SHOX: variants seen among roughly 807,000 people sequenced by gnomAD.
The protein encoded by SHOX is short stature homeobox protein.
In SHOX, 12 loss-of-function variants were observed where a neutral mutation model predicts 29.6. That is an observed-to-expected ratio of 0.41 (90% CI 0.26 to 0.66). The LOEUF (loss-of-function observed/expected upper bound fraction) is 0.66, where lower values mean the gene tolerates loss of function less well. Ranked by LOEUF, SHOX falls within the 30% of genes least tolerant of loss-of-function variation. The pLI is 0.35. For synonymous variants in SHOX, 214 were observed against 200.6 expected (o/e 1.07, Z -0.57); for missense variants, 499 against 437.7 (o/e 1.14, Z -1.25).
In SHOX at chrX:631,223, C is replaced by A. The variant is rs373508696; in HGVS notation, c.277+49C>A. The A allele has an allele frequency of 1.6e-5, 26 of 1,604,114 alleles. No homozygotes were observed. In the African/African-American group the frequency reaches 3.3e-4, roughly 21 times the overall value. On this transcript the variant is annotated intron_variant, in intron 1 of 4. Transcript: ENST00000686671. Reference sequence around the variant, plus strand: ...CCAGGGGGGCCCTCCTGGGGTTCGGCGCCTCCTCGCCACGGAGTCGGCCCC... The same window carrying A: ...CCAGGGGGGCCCTCCTGGGGTTCGGAGCCTCCTCGCCACGGAGTCGGCCCC...
chrX:653,360 G>C (rs892320522), downstream of SHOX, among the ~76,000 whole-genome samples: 1 of 152,212 alleles, frequency 6.6e-6, no homozygotes, highest in Non-Finnish European at 1.5e-5. Context: ...CTTAGAAATA[G>C]ATGTTTGTTG....
In SHOX at chrX:646,403, C is replaced by T. The variant is rs950264261; in HGVS notation, c.*1767C>T. Reference sequence around the variant, plus strand: ...AGCCTGCCCAGAGAGAAACTATCTTCTCCCAACATTTACTAACATCCACTG... The same window carrying T: ...AGCCTGCCCAGAGAGAAACTATCTTTTCCCAACATTTACTAACATCCACTG... On this transcript the variant is annotated 3_prime_UTR_variant, in exon 5 of 5. Coordinates refer to ENST00000686671, the MANE Select transcript of SHOX (RefSeq NM_000451.4). 8 of 152,074 alleles carry T rather than the reference C, an allele frequency of 5.3e-5. No individual in the cohort carries two copies. The highest frequency in any genetic ancestry group is 1.9e-4 in the African/African-American group (8 of 41,464). 9.4% of individuals were successfully genotyped at this position (152,074 alleles called of 1,614,324 possible). A position where few individuals can be genotyped will look rare whatever the true frequency, so the allele number is the denominator to read the frequency against.
rs1486539818 is a variant in SHOX, at chrX:650,802, A to AC, written c.*6166_*6167insC. On this transcript the variant is annotated 3_prime_UTR_variant, in exon 5 of 5. Transcript: ENST00000686671. ...GGACACGTTTGACATTAAAAAAAAAAAAAAAAAAAAAAAAAAACTGGTGCC... is the reference window on the plus strand; with the variant it reads ...GGACACGTTTGACATTAAAAAAAAAACAAAAAAAAAAAAAAAAACTGGTGCC... 1.7e-4 allele frequency among the ~76,000 whole-genome samples: 24 copies of AC among 140,370 alleles called. No individual in the cohort carries two copies. The highest frequency in any genetic ancestry group is 8.4e-4 in the East Asian group (4 of 4,776). 92.1% of individuals were successfully genotyped at this position (140,370 alleles called of 152,430 possible).
In SHOX at chrX:644,485, C is replaced by T. The variant is rs1376045127; in HGVS notation, c.728C>T (p.Pro243Leu). The T allele has an allele frequency of 4.6e-6, 7 of 1,523,258 alleles. No individual in the cohort carries two copies. The Admixed American group carries it at 1.0e-4, about 22-fold the overall frequency. 94.4% of individuals were successfully genotyped at this position (1,523,258 alleles called of 1,614,324 possible). The change falls in exon 5 of 5, where the codon CCG becomes CTG. Residue 243 changes from proline (P) to leucine (L), a missense_variant. Coordinates refer to ENST00000686671, the MANE Select transcript of SHOX (RefSeq NM_000451.4). ...AAHAPYLMFP[P>L]PPFGLPIASL... Reference sequence around the variant, plus strand: ...CACGCGCCCTACCTGATGTTCCCCCCGCCGCCCTTCGGGCTGCCCATCGCG... The same window carrying T: ...CACGCGCCCTACCTGATGTTCCCCCTGCCGCCCTTCGGGCTGCCCATCGCG...
chrX:628,578 C>T (rs1465361065), upstream of SHOX, among the ~76,000 whole-genome samples: 9 of 48,248 alleles, frequency 1.9e-4, no homozygotes, highest in Non-Finnish European at 2.9e-4. Context: ...CCTCTCTCTC[C>T]CTGTCTGTGT....
intron 2 of SHOX, among the ~76,000 whole-genome samples, chrX:638,133 T>C (rs1309873309): frequency 6.6e-6 from 1 of 152,228 alleles, no homozygotes; most frequent in African/African-American, 2.4e-5. Flanking sequence ...AATAACTGTC[T>C]TAAGCAGTGT....
intron 2 of SHOX, 30 bp from the exon 3 acceptor site, chrX:640,791 T>G (rs2052839713): frequency 6.2e-7 from 1 of 1,613,424 alleles, no homozygotes; most frequent in Non-Finnish European, 8.5e-7. Flanking sequence ...TTCACAGGGC[T>G]CTTCACATCT....
intron 1 of SHOX, among the ~76,000 whole-genome samples, chrX:634,035 G>A (rs756574906): frequency 2.1e-4 from 32 of 152,340 alleles, no homozygotes; most frequent in Admixed American, 9.1e-4. Flanking sequence ...TTCTGCGCAC[G>A]CGGTTCAGCC....
Position 650,947 on chromosome X carries a change from A to G in SHOX, c.*6311A>G, listed in dbSNP as rs2053050992. On this transcript the variant is annotated 3_prime_UTR_variant, in exon 5 of 5. Transcript: ENST00000686671. ...TTTGATATTTAATGAGAAGCCGGTT[A>G]AGGAATGTAGACAATATCCCGTTTC... 6.6e-6 allele frequency among the ~76,000 whole-genome samples: 1 copy of G among 152,106 alleles called. No individual in the cohort carries two copies. The highest frequency in any genetic ancestry group is 2.1e-4 in the South Asian group (1 of 4,826).
At chrX:635,670 G>C (rs1450984519) in intron 2 of SHOX, among the ~76,000 whole-genome samples, 2 of 152,234 alleles carry the variant, frequency 1.3e-5, no homozygotes, top group Non-Finnish European at 2.9e-5. Flanking sequence ...TGCGCAGAGG[G>C]ACGGGCGGGC....
At position 651,411 on chromosome X, in the gene SHOX, AG is replaced by A. The variant is rs111807794; in HGVS notation, c.*6776del. On this transcript the variant is annotated 3_prime_UTR_variant, in exon 5 of 5. Coordinates refer to ENST00000686671, the MANE Select transcript of SHOX (RefSeq NM_000451.4). ...GTAGAAAAAAAACAAACAAACAAAC[AG>A]AAAAAAAAACCAAAAAAAACCACCC... The A allele has an allele frequency of 0.35, 153,530 of 441,450 alleles. 23,678 individuals carry two copies. Among genetic ancestry groups the A allele is most frequent in the African/African-American group, 0.42 (20,474 of 48,556 alleles). 27.3% of individuals were successfully genotyped at this position (441,450 alleles called of 1,614,324 possible).
intron 2 of SHOX, among the ~76,000 whole-genome samples, chrX:636,366 A>ATATAAATATATAAACATATATAAT (rs2052751482): frequency 7.0e-6 from 1 of 143,364 alleles, no homozygotes; most frequent in Admixed American, 7.1e-5. Context: ...ACATATATAA[A>ATATAAATATATAAACATATATAAT]TATATACAAA....
At chrX:635,601 C>A (rs1429560812) in intron 2 of SHOX, among the ~76,000 whole-genome samples, 1 of 152,224 alleles carries the variant, frequency 6.6e-6, no homozygotes, top group African/African-American at 2.4e-5. Context: ...CCCCGAGGAG[C>A]GCGCGAATTC....
At position 648,981 on chromosome X, in the gene SHOX, T is replaced by G. The variant is rs2053009426; in HGVS notation, c.*4345T>G. On this transcript the variant is annotated 3_prime_UTR_variant, in exon 5 of 5. Coordinates refer to ENST00000686671, the MANE Select transcript of SHOX (RefSeq NM_000451.4). ...TGTTTCTTTCCTTTTTATCTTTCTCTCTTTTTCTTTCTCTTTTCCTTTTTT... is the reference window on the plus strand; with the variant it reads ...TGTTTCTTTCCTTTTTATCTTTCTCGCTTTTTCTTTCTCTTTTCCTTTTTT... 6.8e-6 allele frequency among the ~76,000 whole-genome samples: 1 copy of G among 147,376 alleles called. No homozygotes were observed. The highest frequency in any genetic ancestry group is 2.5e-5 in the African/African-American group (1 of 40,722).
exon 6 of SHOX, chrX:658,912 C>A (rs1256509584): frequency 5.8e-5 from 16 of 276,402 alleles, no homozygotes; most frequent in Admixed American, 3.3e-4. Context: ...TTACAGGTGC[C>A]CACCACCATG....
At position 646,059 on chromosome X, in the gene SHOX, G is replaced by C. The variant is rs2052959804; in HGVS notation, c.*1423G>C. 6.6e-6 allele frequency: 1 copy of C among 151,988 alleles called. No homozygotes were observed. The highest frequency in any genetic ancestry group is 2.4e-5 in the African/African-American group (1 of 41,370). 9.4% of individuals were successfully genotyped at this position (151,988 alleles called of 1,614,324 possible). ...CTACAGGCACCTGCCACCACCCCCG[G>C]CTAATTTTTTGTATTTATAGTAGAG... On this transcript the variant is annotated 3_prime_UTR_variant, in exon 5 of 5. Coordinates refer to ENST00000686671, the MANE Select transcript of SHOX (RefSeq NM_000451.4).
At chrX:636,375 A>AATATAT (rs1302918973) in intron 2 of SHOX, among the ~76,000 whole-genome samples, 21 of 45,402 alleles carry the variant, frequency 4.6e-4, no homozygotes, top group African/African-American at 2.2e-3. Flanking sequence ...AATATATACA[A>AATATAT]ACATATTGTA....
In SHOX at chrX:649,007, GTTTC is replaced by G. The variant is rs1284626949; in HGVS notation, c.*4383_*4386del. ...CTTTTTCTTTCTCTTTTCCTTTTTT[GTTTC>G]TTTCTTTCTTTTTCTTTCTTTCTTT... On this transcript the variant is annotated 3_prime_UTR_variant, in exon 5 of 5. Coordinates refer to ENST00000686671, the MANE Select transcript of SHOX (RefSeq NM_000451.4). 1.6e-4 allele frequency among the ~76,000 whole-genome samples: 21 copies of G among 134,404 alleles called. No homozygotes were observed. The highest frequency in any genetic ancestry group is 5.6e-4 in the African/African-American group (20 of 35,774). 88.2% of individuals were successfully genotyped at this position (134,404 alleles called of 152,430 possible).
chrX:625,260 T>G (rs1379455658), intron 1 of SHOX, among the ~76,000 whole-genome samples: 1 of 140,290 alleles, frequency 7.1e-6, no homozygotes, highest in Non-Finnish European at 1.5e-5. Flanking sequence ...CTTTTCCTCC[T>G]CTTCCCTCTG....
Sources: allele counts gnomAD v4.1 joint callset (sites outside exome capture counted in the v4.1 genomes callset), GRCh38; gene constraint gnomAD v4.1.1; transcripts MANE v1.5; gene names NCBI Gene and HGNC (gene_info 2026-07-23, HGNC 2026-07-21).